Variants in PPFIA2 observed in about 807,000 individuals in gnomAD.
The protein encoded by PPFIA2 is liprin-alpha-2.
Under a neutral mutation model 175.5 loss-of-function variants are expected in PPFIA2, and 46 were observed. That is an observed-to-expected ratio of 0.26 (90% CI 0.21 to 0.34). The LOEUF is 0.34. Ranked by LOEUF, PPFIA2 falls within the 10% of genes least tolerant of loss-of-function variation. PPFIA2 has a pLI of 1.00. For missense variants in PPFIA2, 1,179 were observed against 1,506.1 expected (o/e 0.78, Z 3.60); for synonymous variants, 568 against 511.4 (o/e 1.11, Z -1.49).
At chr12:81,561,686 G>A (rs2081220664) in intron 4 of PPFIA2, among the ~76,000 whole-genome samples, 1 of 152,104 alleles carries the variant, frequency 6.6e-6, no homozygotes, top group Admixed American at 6.5e-5. Flanking sequence ...TATAGCATAG[G>A]GTTCAGATGG....
intron 6 of PPFIA2, among the ~76,000 whole-genome samples, chr12:81,442,029 T>A (rs1228427938): frequency 6.6e-6 from 1 of 152,116 alleles, no homozygotes; most frequent in Non-Finnish European, 1.5e-5. Context: ...TCTTTCTTTT[T>A]TTAAACTTAA....
At chr12:81,452,986 T>C (rs946480732) in intron 5 of PPFIA2, among the ~76,000 whole-genome samples, 6 of 148,652 alleles carry the variant, frequency 4.0e-5, no homozygotes, top group African/African-American at 7.5e-5. Context: ...ATAACGTTTT[T>C]CTTTTTTTTT....
chr12:81,338,886 C>T (rs1239961915), intron 21 of PPFIA2, among the ~76,000 whole-genome samples: 2 of 152,074 alleles, frequency 1.3e-5, no homozygotes, highest in Non-Finnish European at 2.9e-5. Context: ...ATACCACTAG[C>T]ATTTACTTTG....
At chr12:81,279,737 A>G (rs554292614) in intron 27 of PPFIA2, among the ~76,000 whole-genome samples, 1 of 152,282 alleles carries the variant, frequency 6.6e-6, no homozygotes, top group African/African-American at 2.4e-5. Context: ...TTAAAAGTCA[A>G]TCTAGTGAAG....
intron 8 of PPFIA2, among the ~76,000 whole-genome samples, chr12:81,405,328 G>A (rs995091846): frequency 2.0e-5 from 3 of 151,860 alleles, no homozygotes; most frequent in African/African-American, 7.3e-5. Context: ...AACAATTTTC[G>A]CAGTCATAAA....
intron 9 of PPFIA2, among the ~76,000 whole-genome samples, chr12:81,383,209 T>C (rs557212153): frequency 6.6e-6 from 1 of 152,194 alleles, no homozygotes; most frequent in East Asian, 1.9e-4. Context: ...AGGGCCAACT[T>C]GATGAACAAC....
At chr12:81,550,638 T>C (rs1426205908) in intron 4 of PPFIA2, among the ~76,000 whole-genome samples, 2 of 151,986 alleles carry the variant, frequency 1.3e-5, no homozygotes, top group Non-Finnish European at 2.9e-5. Flanking sequence ...AATGGTGATT[T>C]TTAGTTTGAC....
rs373052288 is a variant in PPFIA2, at chr12:81,753,832, T to A, written c.249+141A>T. 427 of 1,052,930 alleles carry A rather than the reference T, an allele frequency of 4.1e-4. 1 individual carries two copies. In the African/African-American group the frequency reaches 6.4e-3, roughly 16 times the overall value. 65.2% of individuals were successfully genotyped at this position (1,052,930 alleles called of 1,614,324 possible). On this transcript the variant is annotated intron_variant, in intron 3 of 32. Coordinates refer to ENST00000549396, the MANE Select transcript of PPFIA2 (RefSeq NM_003625.5). ...TGAGGCAAGGTTTCAAGTGAACTAA[T>A]CATCTATTCCTAAGTTGTTCTCACC...
chr12:81,294,786 C>T (rs755526875), intron 24 of PPFIA2, 49 bp downstream of exon 24: 27 of 1,562,766 alleles, frequency 1.7e-5, no homozygotes, highest in Non-Finnish European at 2.2e-5. Context: ...CTTAGACACA[C>T]GGCTATTTGC....
chr12:81,356,889 G>A (rs1372852473), intron 16 of PPFIA2, among the ~76,000 whole-genome samples: 1 of 152,002 alleles, frequency 6.6e-6, no homozygotes, highest in Non-Finnish European at 1.5e-5. Context: ...TAAGCCCAAG[G>A]CATGCTAATT....
rs1161470795 is a variant in PPFIA2 at position 81,368,741 on chromosome 12, G to A, written c.1466C>T (p.Ala489Val). Reference protein sequence around the residue: ...RLQLHLKERMAALEEKNVLIQ... With the variant: ...RLQLHLKERMVALEEKNVLIQ... ...TCGTTTTACCTTTTCTTCTAGAGCA[G>A]CCATTCTTTCCTTTAAGTGTAGTTG... is the stretch of plus-strand genomic sequence containing the variant. Residue 489 changes from alanine to valine, a missense_variant, in exon 13 of 33, where the codon GCT becomes GTT. Transcript: ENST00000549396. 6.2e-7 allele frequency: 1 copy of A among 1,607,668 alleles called. No individual in the cohort carries two copies. Among genetic ancestry groups the A allele is most frequent in the Non-Finnish European group, 8.5e-7 (1 of 1,176,954 alleles).
intron 7 of PPFIA2, among the ~76,000 whole-genome samples, chr12:81,432,966 C>T (rs1455650259): frequency 6.6e-6 from 1 of 151,180 alleles, no homozygotes; most frequent in African/African-American, 2.4e-5. Flanking sequence ...AAAAAACAAA[C>T]ATTAACAAAA....
chr12:81,360,753 A>C (rs372103904), intron 15 of PPFIA2, among the ~76,000 whole-genome samples: 12 of 151,156 alleles, frequency 7.9e-5, no homozygotes, highest in African/African-American at 2.9e-4. Context: ...TTGTTTAATA[A>C]ATATTCAGTT....
intron 3 of PPFIA2, among the ~76,000 whole-genome samples, chr12:81,677,933 A>T (rs1376343025): frequency 6.6e-6 from 1 of 151,892 alleles, no homozygotes; most frequent in Non-Finnish European, 1.5e-5. Flanking sequence ...ATTCAAAAGA[A>T]GTTGCAATTC....
intron 17 of PPFIA2, among the ~76,000 whole-genome samples, chr12:81,349,636 A>AT (rs55736567): frequency 6.6e-6 from 1 of 151,928 alleles, no homozygotes; most frequent in Non-Finnish European, 1.5e-5. Flanking sequence ...ACTCCTAGAA[A>AT]TTTTTTTCTG....
chr12:81,352,997 G>A (rs2060288668), intron 17 of PPFIA2, 122 bp downstream of exon 17: 1 of 797,106 alleles, frequency 1.3e-6, no homozygotes, highest in Non-Finnish European at 2.0e-6. Flanking sequence ...GGTGAGGTCT[G>A]AGATTCTGCA....
At chr12:81,621,650 G>A (rs1245800142) in intron 4 of PPFIA2, among the ~76,000 whole-genome samples, 1 of 152,150 alleles carries the variant, frequency 6.6e-6, no homozygotes, top group African/African-American at 2.4e-5. Context: ...AAAATATTTT[G>A]AAGGTAGATT....
At chr12:81,391,495 T>C (rs141462860) in intron 8 of PPFIA2, among the ~76,000 whole-genome samples, 19 of 152,060 alleles carry the variant, frequency 1.2e-4, no homozygotes, top group African/African-American at 4.3e-4. Flanking sequence ...GCCATCAAAG[T>C]TGTTTGAACA....
chr12:81,622,072 T>C (rs2062107254), intron 4 of PPFIA2, among the ~76,000 whole-genome samples: 2 of 152,176 alleles, frequency 1.3e-5, no homozygotes, highest in African/African-American at 2.4e-5. Context: ...GACAAGGACT[T>C]GGTGTTTCAC....
Sources: gnomAD v4.1 joint callset for allele counts (sites outside exome capture counted in the v4.1 genomes callset) on GRCh38, gnomAD v4.1.1 for gene constraint, MANE v1.5 for transcripts, NCBI Gene and HGNC (gene_info 2026-07-23, HGNC 2026-07-21) for gene names.